Variants in CELF4 observed in about 807,000 individuals in gnomAD.
CELF4 encodes the protein CUG-BP- and ETR-3-like factor 4.
A neutral mutation model predicts 59.9 loss-of-function variants in CELF4; 18 were observed. The observed-to-expected ratio is 0.30, with a 90% CI of 0.21 to 0.45. CELF4 has a LOEUF of 0.45. Ranked by LOEUF, CELF4 falls within the 20% of genes least tolerant of loss-of-function variation. CELF4 has a pLI of 1.00. For missense variants in CELF4, 456 were observed against 689.0 expected, an observed-to-expected ratio of 0.66 and a Z score of 3.79; for synonymous variants, 261 against 267.1, an observed-to-expected ratio of 0.98 and a Z score of 0.22.
chr18:37,387,525 G>GC (rs1409991427), intron 2 of CELF4, among the ~76,000 whole-genome samples: 1 of 152,184 alleles, frequency 6.6e-6, no homozygotes, highest in Non-Finnish European at 1.5e-5. Context: ...AGTCCGGCTT[G>GC]CCAGTCTCCA....
chr18:37,485,357 C>T (rs2154603167), intron 2 of CELF4, among the ~76,000 whole-genome samples, 168 bp downstream of exon 2: 1 of 151,668 alleles, frequency 6.6e-6, no homozygotes, highest in South Asian at 2.1e-4. Context: ...CCGTTGGGCC[C>T]GGACGGCCGA....
chr18:37,534,679 C>T (rs902362412), intron 1 of CELF4, among the ~76,000 whole-genome samples: 4 of 152,094 alleles, frequency 2.6e-5, no homozygotes, highest in African/African-American at 9.7e-5. Context: ...TATATTCCGA[C>T]ACATAGAATA....
intron 1 of CELF4, among the ~76,000 whole-genome samples, chr18:37,496,245 T>C (rs1219145606): frequency 6.6e-6 from 1 of 152,194 alleles, no homozygotes; most frequent in Non-Finnish European, 1.5e-5. Flanking sequence ...GCTGTTCTCA[T>C]CTGTGAGAAT....
chr18:37,377,938 C>A (rs982859309), intron 2 of CELF4, among the ~76,000 whole-genome samples: 2 of 152,152 alleles, frequency 1.3e-5, no homozygotes, highest in East Asian at 3.9e-4. Context: ...GAGGAGGCAA[C>A]AGGAGAGAAC....
rs557265762 is a variant in CELF4 at position 37,416,355 on chromosome 18, CAGCTCCTGGGTTTCACCTCCAGG to C, written c.369+69147_369+69169del. 2.1e-3 allele frequency among the ~76,000 whole-genome samples: 326 copies of C among 152,302 alleles called. 3 individuals are homozygous for C. Among genetic ancestry groups the C allele is most frequent in the African/African-American group, 7.6e-3 (314 of 41,568 alleles). The stretch of plus-strand genomic sequence containing the variant: ...TGCAGATCCTCCCCCTGTCAGAACC[CAGCTCCTGGGTTTCACCTCCAGG>C]AGCCCCAGCTTTTCTAAGCCTCTAG... On this transcript the variant is annotated intron_variant, in intron 2 of 12. Coordinates refer to ENST00000420428, the MANE Select transcript of CELF4 (RefSeq NM_020180.4).
chr18:37,304,376 C>T (rs573710134), intron 3 of CELF4, among the ~76,000 whole-genome samples: 4 of 152,274 alleles, frequency 2.6e-5, no homozygotes, highest in African/African-American at 9.6e-5. Flanking sequence ...AGCAGGCTTC[C>T]AGACTATGGG....
intron 2 of CELF4, among the ~76,000 whole-genome samples, chr18:37,462,478 A>T (rs1404548939): frequency 6.6e-6 from 1 of 152,092 alleles, no homozygotes; most frequent in Non-Finnish European, 1.5e-5. Context: ...TCCCTGGTGG[A>T]TGCACCCTGA....
At chr18:37,427,184 C>G (rs1603638541) in intron 2 of CELF4, among the ~76,000 whole-genome samples, 1 of 152,270 alleles carries the variant, frequency 6.6e-6, no homozygotes, top group Non-Finnish European at 1.5e-5. Flanking sequence ...CCTCCTCCAA[C>G]CCAAAGCAGA....
intron 2 of CELF4, among the ~76,000 whole-genome samples, chr18:37,329,327 G>A (rs539543188): frequency 5.9e-5 from 9 of 152,312 alleles, no homozygotes; most frequent in African/African-American, 1.7e-4. Context: ...GAGGACTGCC[G>A]GGGTCCCTTC....
At chr18:37,455,909 T>C (rs1486123769) in intron 2 of CELF4, among the ~76,000 whole-genome samples, 1 of 152,182 alleles carries the variant, frequency 6.6e-6, no homozygotes, top group Non-Finnish European at 1.5e-5. Context: ...CTTTGGAGCC[T>C]GTCTGCACCC....
chr18:37,426,726 C>T (rs2099615382), intron 2 of CELF4, among the ~76,000 whole-genome samples: 1 of 152,166 alleles, frequency 6.6e-6, no homozygotes, highest in Admixed American at 6.5e-5. Context: ...TTAAAAGTCT[C>T]ATTAGAACAC....
intron 2 of CELF4, among the ~76,000 whole-genome samples, chr18:37,342,233 G>GCACA (rs56845978): frequency 0.27 from 40,101 of 145,928 alleles, 5,441 homozygotes; most frequent in South Asian, 0.33. Flanking sequence ...AACAGCACAT[G>GCACA]CACACACACA....
intron 1 of CELF4, among the ~76,000 whole-genome samples, chr18:37,522,180 T>G (rs61650387): frequency 0.015 from 2,253 of 152,200 alleles, 65 homozygotes; most frequent in African/African-American, 0.051. Flanking sequence ...GGACAGCTCT[T>G]AAATTATTTT....
intron 2 of CELF4, among the ~76,000 whole-genome samples, chr18:37,353,752 G>C (rs536905834): frequency 2.3e-4 from 33 of 141,550 alleles, no homozygotes; most frequent in African/African-American, 6.7e-4. Flanking sequence ...GTGGGGGCGG[G>C]GGGGGCAGTT....
intron 1 of CELF4, among the ~76,000 whole-genome samples, chr18:37,505,086 G>A (rs185740812): frequency 1.6e-4 from 24 of 151,274 alleles, no homozygotes; most frequent in African/African-American, 4.9e-4. Context: ...TCTCTGGTTA[G>A]GAGAAGCAGG....
chr18:37,407,511 G>A (rs1489645446), intron 2 of CELF4, among the ~76,000 whole-genome samples: 1 of 152,064 alleles, frequency 6.6e-6, no homozygotes, highest in African/African-American at 2.4e-5. Context: ...ATATGTGTGT[G>A]TGCATGTGTA....
At chr18:37,543,201 C>T (rs1025252346) in intron 1 of CELF4, among the ~76,000 whole-genome samples, 9 of 152,170 alleles carry the variant, frequency 5.9e-5, no homozygotes, top group African/African-American at 1.9e-4. Context: ...AAACAGGAAG[C>T]GTTCTTCGAG....
chr18:37,307,181 T>C (rs72883668), intron 3 of CELF4, among the ~76,000 whole-genome samples: 10,766 of 152,216 alleles, frequency 0.071, 470 homozygotes, highest in Middle Eastern at 0.13. Flanking sequence ...CACCTGGCTG[T>C]GAGGGTCAGT....
chr18:37,323,025 G>T (rs928851264), intron 2 of CELF4, among the ~76,000 whole-genome samples: 2 of 152,096 alleles, frequency 1.3e-5, no homozygotes, highest in South Asian at 4.1e-4. Context: ...ATTCCCTCCC[G>T]TACAGCGGCT....
Sources: allele counts gnomAD v4.1 joint callset (sites outside exome capture counted in the v4.1 genomes callset), GRCh38; gene constraint gnomAD v4.1.1; transcripts MANE v1.5; gene names NCBI Gene and HGNC (gene_info 2026-07-23, HGNC 2026-07-21).